STK3: variants seen among roughly 807,000 people sequenced by gnomAD.
The protein encoded by STK3 is serine/threonine kinase 3.
Under a neutral mutation model 58.0 loss-of-function variants are expected in STK3, and 41 were observed. That is an observed-to-expected ratio of 0.71 (90% CI 0.55 to 0.92). STK3 has a LOEUF of 0.92. STK3 is among the 40% of genes least tolerant of loss of function. The pLI, the probability that STK3 is intolerant of heterozygous loss-of-function variation, is 0.00. For synonymous variants in STK3, 170 were observed against 191.0 expected (o/e 0.89, Z 0.91); for missense variants, 479 against 602.7 (o/e 0.79, Z 2.15).
At chr8:98,713,487 T>C (rs1175088273) in intron 4 of STK3, among the ~76,000 whole-genome samples, 1 of 152,112 alleles carries the variant, frequency 6.6e-6, no homozygotes, top group Non-Finnish European at 1.5e-5. Flanking sequence ...CATCAGAGAA[T>C]ACTATAAACA....
At chr8:98,694,178 T>C (rs1033721533) in intron 6 of STK3, among the ~76,000 whole-genome samples, 1 of 152,244 alleles carries the variant, frequency 6.6e-6, no homozygotes. Flanking sequence ...TGGAAGCCAG[T>C]TGGAAAATAT....
chr8:98,720,184 G>C (rs186645128), intron 4 of STK3, among the ~76,000 whole-genome samples: 131 of 152,208 alleles, frequency 8.6e-4, no homozygotes, highest in African/African-American at 2.9e-3. Flanking sequence ...ATATTTTCTA[G>C]AACGTAAAGG....
the STK3 span, among the ~76,000 whole-genome samples, chr8:98,361,279 A>G: frequency 1.3e-5 from 2 of 152,164 alleles, no homozygotes; most frequent in African/African-American, 4.8e-5. Context: ...CCACGGTGCC[A>G]GAGGTGGTAG....
chr8:98,885,691 C>T lies in STK3; in HGVS notation c.-78-1857G>A, dbSNP rs1174265953. ...CCAATCTCAGGTGATCTGCCCGCCT[C>T]GGCCTCCCAAAGTGCTGGGATTACA... On this transcript the variant is annotated intron_variant, in intron 1 of 1. Coordinates refer to the STK3 transcript ENST00000519420. Among the ~76,000 whole-genome samples, 7 of 152,330 alleles carry T rather than the reference C, an allele frequency of 4.6e-5. No homozygotes were observed. In the South Asian group the frequency reaches 6.2e-4, roughly 14 times the overall value.
intron 4 of STK3, among the ~76,000 whole-genome samples, chr8:98,743,824 G>A (rs980961241): frequency 5.9e-5 from 9 of 151,772 alleles, no homozygotes; most frequent in East Asian, 1.9e-4. Context: ...GAAAATTTTC[G>A]CAACCTACTC....
chr8:98,577,323 C>T (rs759224162), intron 8 of STK3, among the ~76,000 whole-genome samples: 11 of 151,968 alleles, frequency 7.2e-5, no homozygotes, highest in Non-Finnish European at 1.6e-4. Flanking sequence ...CTGGTCTCTA[C>T]TAAAAATACA....
intron 1 of STK3, among the ~76,000 whole-genome samples, chr8:98,446,262 C>T (rs562143151): frequency 3.9e-5 from 6 of 152,332 alleles, no homozygotes; most frequent in East Asian, 1.9e-4. Flanking sequence ...AATGACCACA[C>T]GTGGGTGTCC....
chr8:98,941,438 G>A (rs1001639493), intron 1 of STK3, among the ~76,000 whole-genome samples: 3 of 152,262 alleles, frequency 2.0e-5, no homozygotes, highest in Non-Finnish European at 4.4e-5. Flanking sequence ...GCCCCGCAGA[G>A]GCAGTGGAAG....
At chr8:98,540,202 G>A (rs767937942) in intron 9 of STK3, among the ~76,000 whole-genome samples, 4 of 152,200 alleles carry the variant, frequency 2.6e-5, no homozygotes, top group South Asian at 2.1e-4. Context: ...TGGCTCCTGA[G>A]AGCAGAGGGA....
intron 10 of STK3, among the ~76,000 whole-genome samples, chr8:98,507,094 C>T (rs1824156853): frequency 6.6e-6 from 1 of 152,202 alleles, no homozygotes; most frequent in South Asian, 2.1e-4. Flanking sequence ...ATACAGACCC[C>T]TTTTCTTCTC....
intron 1 of STK3, chr8:98,883,969 G>C: frequency 2.1e-6 from 1 of 479,290 alleles, no homozygotes. Flanking sequence ...GCAATTAAGG[G>C]AGTCATCCTG....
intron 6 of STK3, among the ~76,000 whole-genome samples, chr8:98,689,230 C>T (rs1824226840): frequency 6.6e-6 from 1 of 152,080 alleles, no homozygotes; most frequent in Admixed American, 6.6e-5. Flanking sequence ...CCTGAACAGA[C>T]CAACAAGTAA....
At chr8:98,836,961 C>G (rs1835768915) in intron 3 of STK3, among the ~76,000 whole-genome samples, 1 of 152,078 alleles carries the variant, frequency 6.6e-6, no homozygotes, top group Non-Finnish European at 1.5e-5. Flanking sequence ...GGCATCAGAT[C>G]AATGATATCA....
At chr8:98,451,317 C>G (rs1391210136), downstream of STK3, among the ~76,000 whole-genome samples, 2 of 151,998 alleles carry the variant, frequency 1.3e-5, no homozygotes, top group Non-Finnish European at 2.9e-5. Context: ...CTTTACAACC[C>G]ATAAATAAAA....
At chr8:98,924,955 C>A (rs1489304732) in intron 1 of STK3, among the ~76,000 whole-genome samples, 4 of 152,104 alleles carry the variant, frequency 2.6e-5, no homozygotes, top group Non-Finnish European at 5.9e-5. Flanking sequence ...AGGGAGAGGA[C>A]AAAATCCTCT....
intron 1 of STK3, among the ~76,000 whole-genome samples, chr8:98,795,107 T>C (rs56378152): frequency 5.7e-5 from 2 of 35,344 alleles, no homozygotes; most frequent in Non-Finnish European, 9.4e-5. Flanking sequence ...AAAAAAAATA[T>C]ATATATATAT....
At chr8:98,511,863 G>A (rs1824539947) in intron 10 of STK3, among the ~76,000 whole-genome samples, 1 of 152,018 alleles carries the variant, frequency 6.6e-6, no homozygotes, top group African/African-American at 2.4e-5. Flanking sequence ...ATTCATTTAA[G>A]TTAGAGGTTA....
chr8:98,456,257 G>A (rs1460137667), intron 10 of STK3, among the ~76,000 whole-genome samples: 2 of 152,306 alleles, frequency 1.3e-5, no homozygotes, highest in Non-Finnish European at 2.9e-5. Context: ...AAGGGCAAAT[G>A]AGAAAAATAC....
intron 6 of STK3, among the ~76,000 whole-genome samples, chr8:98,621,767 G>GT (rs1332285380): frequency 4.0e-5 from 6 of 151,458 alleles, no homozygotes; most frequent in East Asian, 1.9e-4. Context: ...TCAGAGTGTT[G>GT]TTTTTTTTAA....
Sources: allele counts gnomAD v4.1 joint callset (sites outside exome capture counted in the v4.1 genomes callset), GRCh38; gene constraint gnomAD v4.1.1; transcripts MANE v1.5; gene names NCBI Gene and HGNC (gene_info 2026-07-23, HGNC 2026-07-21).